Variants in MARF1 observed in about 807,000 individuals in gnomAD.
The protein encoded by MARF1 is limkain-b1.
MARF1 carries 24 observed loss-of-function variants against 168.2 expected under a neutral mutation model. The ratio of observed to expected loss-of-function variants is 0.14; its 90% CI spans 0.10 to 0.20. The LOEUF (loss-of-function observed/expected upper bound fraction) is 0.20. MARF1 is among the 10% of genes least tolerant of loss of function. The pLI, the probability that MARF1 is intolerant of heterozygous loss-of-function variation, is 1.00. For missense variants in MARF1, 1,744 were observed against 2,143.6 expected (o/e 0.81, Z 3.68); for synonymous variants, 868 against 822.4 (o/e 1.06, Z -0.95).
At chr16:15,601,009 C>T (rs1567527816) in intron 23 of MARF1, 2 of 622,022 alleles carry the variant, frequency 3.2e-6, no homozygotes, top group Admixed American at 2.1e-5. Flanking sequence ...GTAGTTCTCA[C>T]ATGAGAGCTC....
At position 15,596,613 on chromosome 16, in the gene MARF1, A is replaced by T. The variant is rs1335401337; in HGVS notation, c.*80T>A. On this transcript the variant is annotated 3_prime_UTR_variant, in exon 27 of 27. Coordinates refer to ENST00000396368, the MANE Select transcript of MARF1 (RefSeq NM_014647.4). ...TCGGGGGGTTTTCATGACACAGAAA[A>T]GGATGTATTTTTGAAACCCACTTTT... 3 of 1,402,882 alleles carry T rather than the reference A, an allele frequency of 2.1e-6. No individual in the cohort carries two copies. The African/African-American group carries it at 4.3e-5, about 20-fold the overall frequency. The allele number at this position is 1,402,882 out of a possible 1,614,324, so 86.9% of individuals were successfully genotyped here.
intron 16 of MARF1, among the ~76,000 whole-genome samples, chr16:15,613,790 A>G (rs529912584): frequency 5.2e-4 from 79 of 152,302 alleles, no homozygotes; most frequent in Non-Finnish European, 9.7e-4. Flanking sequence ...TCTAAGACAG[A>G]GGGAAAAGAA....
At chr16:15,601,327 T>C in intron 23 of MARF1, 2 of 326,632 alleles carry the variant, frequency 6.1e-6, no homozygotes, top group Non-Finnish European at 1.2e-5. Flanking sequence ...ACCTCTGCAG[T>C]GGCCAGGATC....
intron 15 of MARF1, 148 bp downstream of exon 15, chr16:15,616,904 C>T (rs967474794): frequency 4.1e-5 from 47 of 1,146,666 alleles, no homozygotes; most frequent in Non-Finnish European, 5.3e-5. Context: ...TTATGTGGTG[C>T]ATGACTGTAC....
chr16:15,628,173 T>A (rs766952271), intron 7 of MARF1, among the ~76,000 whole-genome samples: 1 of 152,184 alleles, frequency 6.6e-6, no homozygotes, highest in Non-Finnish European at 1.5e-5. Context: ...TATTAATATA[T>A]ATTAACATGA....
In MARF1 at chr16:15,622,964, G is replaced by C. The variant is rs1282635134; in HGVS notation, c.2430C>G (p.Leu810=). 1 of 1,583,478 alleles carries C rather than the reference G, an allele frequency of 6.3e-7. No individual in the cohort carries two copies. Among genetic ancestry groups the C allele is most frequent in the African/African-American group, 1.3e-5 (1 of 74,532 alleles). Residue 810 remains leucine, a synonymous_variant, in exon 11 of 27, where the codon CTC becomes CTG. Transcript: ENST00000396368. ...YRLSRKELQQ[L]LQEAFARHGK... ...CATGCCTGGCAAATGCTTCCTGCAG[G>C]AGCTGCTGCAGCTCCTTCCGGGATA...
At position 15,601,009 on chromosome 16, in the gene MARF1, CAT is replaced by C. The variant is rs1401888122; in HGVS notation, c.4627-310_4627-309del. ...GGCATATAAATTAAGGTAGTTCTCA[CAT>C]GAGAGCTCTTTGCCATTTTTTTGCA... is the stretch of plus-strand genomic sequence containing the variant. On this transcript the variant is annotated intron_variant, in intron 23 of 26. Transcript: ENST00000396368. The C allele has an allele frequency of 8.0e-6, 5 of 621,904 alleles. No homozygotes were observed. In the Admixed American group the frequency reaches 8.4e-5, roughly 10 times the overall value. 38.5% of individuals were successfully genotyped at this position (621,904 alleles called of 1,614,324 possible).
Position 15,604,268 on chromosome 16 carries a change from T to C in MARF1, c.4313A>G (p.Lys1438Arg). 1.2e-6 allele frequency: 2 copies of C among 1,614,132 alleles called. No homozygotes were observed. The highest frequency in any genetic ancestry group is 1.3e-5 in the African/African-American group (1 of 75,046). Residue 1438 changes from lysine to arginine, a missense_variant, in exon 22 of 27, where the codon AAG becomes AGG. Around this residue, in one of 7 missense-constraint regions of MARF1, gnomAD observed 74 missense variants for 66.7 expected, o/e 1.11. Transcript: ENST00000396368. ...GTTGTGGGTACTTTCGTAATGTCTC[T>C]TGAGCTCCTCAACAGAAAGATGGGT... is the stretch of plus-strand genomic sequence containing the variant. ...GTTHLSVEELKRHYESTHNTP... is the reference protein window; with the variant it reads ...GTTHLSVEELRRHYESTHNTP...
intron 7 of MARF1, among the ~76,000 whole-genome samples, chr16:15,627,889 G>C (rs1408175083): frequency 6.6e-6 from 1 of 152,184 alleles, no homozygotes; most frequent in African/African-American, 2.4e-5. Flanking sequence ...ACACTCTTAT[G>C]AGTGTAAATT....
At chr16:15,623,581 G>A (rs762104381) in intron 10 of MARF1, among the ~76,000 whole-genome samples, 3 of 152,020 alleles carry the variant, frequency 2.0e-5, no homozygotes, top group Non-Finnish European at 4.4e-5. Flanking sequence ...GTGCCCAGCT[G>A]TGTTTTTAAT....
At chr16:15,601,242 T>C (rs2032394314) in intron 23 of MARF1, 6 of 370,878 alleles carry the variant, frequency 1.6e-5, no homozygotes, top group South Asian at 1.0e-4. Context: ...AGGCAAGCTT[T>C]GCCTGGGTCC....
intron 4 of MARF1, 25 bp from the exon 5 acceptor site, chr16:15,633,868 T>C (rs1255151014): frequency 1.3e-6 from 2 of 1,536,236 alleles, no homozygotes; most frequent in Non-Finnish European, 1.8e-6. Flanking sequence ...ACATTTTCAA[T>C]TACTTGTAGT....
chr16:15,601,945 T>C (rs763389739), intron 23 of MARF1, 46 bp downstream of exon 23: 2 of 1,477,154 alleles, frequency 1.4e-6, no homozygotes, highest in African/African-American at 2.8e-5. Context: ...AGTTAGCCTG[T>C]GGCTGTTCAG....
intron 16 of MARF1, among the ~76,000 whole-genome samples, chr16:15,615,469 C>CA (rs1291953994): frequency 2.0e-5 from 3 of 151,806 alleles, no homozygotes; most frequent in African/African-American, 7.3e-5. Flanking sequence ...ACTAAAAATA[C>CA]AAAAAATTAG....
rs2032483680 is a variant in MARF1, at chr16:15,601,974, C to A, written c.4626+17G>T. 1 of 1,609,556 alleles carries A rather than the reference C, an allele frequency of 6.2e-7. No homozygotes were observed. Among genetic ancestry groups the A allele is most frequent in the Non-Finnish European group, 8.5e-7 (1 of 1,175,834 alleles). ...TGTTCAGAAGATGCTCTCCCGGAAGCTGAGAAAAATGCCCACCTGTGGAAT... is the reference window on the plus strand; with the variant it reads ...TGTTCAGAAGATGCTCTCCCGGAAGATGAGAAAAATGCCCACCTGTGGAAT... On this transcript the variant is annotated intron_variant, in intron 23 of 26. Coordinates refer to ENST00000396368, the MANE Select transcript of MARF1 (RefSeq NM_014647.4).
At chr16:15,624,315 T>C (rs2151207138) in intron 10 of MARF1, among the ~76,000 whole-genome samples, 1 of 152,352 alleles carries the variant, frequency 6.6e-6, no homozygotes, top group East Asian at 1.9e-4. Flanking sequence ...GCCTTACGGC[T>C]TCTCTGTCTC....
chr16:15,609,737 A>T lies in MARF1; in HGVS notation c.3752-12T>A. 6.2e-7 allele frequency: 1 copy of T among 1,609,990 alleles called. No individual in the cohort carries two copies. Among genetic ancestry groups the T allele is most frequent in the Non-Finnish European group, 8.5e-7 (1 of 1,177,062 alleles). On this transcript the variant is annotated splice_polypyrimidine_tract_variant and intron_variant, in intron 19 of 26. Transcript: ENST00000396368. ...ATCCTGAGTGCGTTCTTTTAAAAAA[A>T]CCAAAAAACATAAAATCACAGTTTT...
intron 16 of MARF1, among the ~76,000 whole-genome samples, 193 bp downstream of exon 16, chr16:15,615,636 TA>T (rs1477013264): frequency 6.6e-6 from 1 of 151,868 alleles, no homozygotes; most frequent in Non-Finnish European, 1.5e-5. Context: ...AAAAAATAAA[TA>T]AATAAAAAAT....
At chr16:15,600,582 G>A (rs1447225715) in intron 24 of MARF1, 29 bp from the exon 25 acceptor site, 1 of 1,614,098 alleles carries the variant, frequency 6.2e-7, no homozygotes, top group Non-Finnish European at 8.5e-7. Flanking sequence ...CCGTCAGAGA[G>A]AAATGTCAGT....
Sources: allele counts gnomAD v4.1 joint callset (sites outside exome capture counted in the v4.1 genomes callset), GRCh38; gene constraint gnomAD v4.1.1; regional missense constraint gnomAD v4.1.1; transcripts MANE v1.5; gene names NCBI Gene and HGNC (gene_info 2026-07-23, HGNC 2026-07-21).